PBX1: variants seen among roughly 807,000 people sequenced by gnomAD.
The protein encoded by PBX1 is pre-B-cell leukemia transcription factor 1.
Under a neutral mutation model 53.4 loss-of-function variants are expected in PBX1, and 6 were observed. The observed-to-expected ratio is 0.11, with a 90% CI of 0.06 to 0.22. The LOEUF (loss-of-function observed/expected upper bound fraction) is 0.22. Among genes scored for constraint, PBX1 ranks in the 10% least tolerant of loss-of-function variants. The pLI is 1.00. For synonymous variants in PBX1, 204 were observed against 212.3 expected, an observed-to-expected ratio of 0.96 and a Z score of 0.34; for missense variants, 251 against 551.4, an observed-to-expected ratio of 0.46 and a Z score of 5.46.
At chr1:164,755,274 C>T (rs1019553444) in intron 2 of PBX1, among the ~76,000 whole-genome samples, 2 of 152,062 alleles carry the variant, frequency 1.3e-5, no homozygotes, top group Admixed American at 6.5e-5. Flanking sequence ...CCTCTGCCTC[C>T]CAAGGAGTGG....
At chr1:164,561,005 A>G (rs957775327) in intron 1 of PBX1, among the ~76,000 whole-genome samples, 4 of 152,238 alleles carry the variant, frequency 2.6e-5, no homozygotes, top group African/African-American at 2.4e-5. Flanking sequence ...AGGATTTTAC[A>G]GTAAATTCTC....
At chr1:164,797,578 T>G (rs1209996071) in intron 3 of PBX1, among the ~76,000 whole-genome samples, 1 of 152,174 alleles carries the variant, frequency 6.6e-6, no homozygotes, top group African/African-American at 2.4e-5. Context: ...GACCCGATCT[T>G]CTATGGATTT....
intron 2 of PBX1, among the ~76,000 whole-genome samples, chr1:164,670,426 T>C (rs1297386167): frequency 6.6e-6 from 1 of 152,164 alleles, no homozygotes. Context: ...TTAAAAAATA[T>C]GTATGTCAGC....
intron 3 of PBX1, 70 bp from the exon 4 acceptor site, chr1:164,799,629 A>C: frequency 7.1e-7 from 1 of 1,413,874 alleles, no homozygotes; most frequent in Non-Finnish European, 9.7e-7. Flanking sequence ...CACGTGGCCT[A>C]ATGTCATAGA....
At chr1:164,663,308 T>G (rs1158672644) in intron 2 of PBX1, among the ~76,000 whole-genome samples, 3 of 151,710 alleles carry the variant, frequency 2.0e-5, no homozygotes, top group African/African-American at 4.8e-5. Context: ...CTTCCTGCCT[T>G]CCTCTCTCTC....
intron 2 of PBX1, among the ~76,000 whole-genome samples, chr1:164,752,243 T>TGTGTGC (rs933970238): frequency 6.8e-6 from 1 of 146,442 alleles, no homozygotes; most frequent in Non-Finnish European, 1.5e-5. Flanking sequence ...TGTGTGTGTG[T>TGTGTGC]GTGCCCTCAG....
chr1:164,590,059 A>G (rs1655254138), intron 2 of PBX1, among the ~76,000 whole-genome samples: 1 of 151,890 alleles, frequency 6.6e-6, no homozygotes, highest in African/African-American at 2.4e-5. Context: ...AGTAATAATA[A>G]TAAGACATCC....
At chr1:164,598,843 C>G (rs1655949705) in intron 2 of PBX1, among the ~76,000 whole-genome samples, 1 of 152,080 alleles carries the variant, frequency 6.6e-6, no homozygotes, top group Admixed American at 6.5e-5. Flanking sequence ...TAGATTTGAC[C>G]TTTAAAACTA....
At chr1:164,571,869 CATTGTATATATATATATATATATAT>C (rs1302920134) in intron 2 of PBX1, among the ~76,000 whole-genome samples, 1 of 48,856 alleles carries the variant, frequency 2.0e-5, no homozygotes, top group African/African-American at 8.1e-5. Context: ...AAAATCTGTA[CATTGTATATATATATATATATATAT>C]ATATATATAT....
intron 2 of PBX1, among the ~76,000 whole-genome samples, chr1:164,571,855 T>C (rs1653877437): frequency 8.1e-6 from 1 of 123,690 alleles, no homozygotes; most frequent in Non-Finnish European, 1.7e-5. Flanking sequence ...CTATTTGATA[T>C]ACAAAAATCT....
intron 8 of PBX1, among the ~76,000 whole-genome samples, chr1:164,842,569 G>A (rs1235119970): frequency 6.6e-6 from 1 of 152,100 alleles, no homozygotes; most frequent in Non-Finnish European, 1.5e-5. Context: ...CTCTTGGTGA[G>A]CTCCAGGTTG....
intron 2 of PBX1, among the ~76,000 whole-genome samples, chr1:164,763,897 T>C (rs1395778472): frequency 2.0e-5 from 3 of 152,328 alleles, no homozygotes; most frequent in African/African-American, 7.2e-5. Context: ...ATCTGTGTGC[T>C]CCAGGCTACT....
intron 2 of PBX1, among the ~76,000 whole-genome samples, chr1:164,869,038 C>T (rs1479342765): frequency 6.6e-6 from 1 of 152,196 alleles, no homozygotes. Context: ...TTTTCTGTCT[C>T]TGGCATGAAT....
At chr1:164,636,070 G>A (rs1658757443) in intron 2 of PBX1, among the ~76,000 whole-genome samples, 1 of 152,162 alleles carries the variant, frequency 6.6e-6, no homozygotes, top group Non-Finnish European at 1.5e-5. Flanking sequence ...CTGGGTAAAT[G>A]GGCCTTGACA....
At chr1:164,612,610 T>C (rs1657012409) in intron 2 of PBX1, among the ~76,000 whole-genome samples, 1 of 152,132 alleles carries the variant, frequency 6.6e-6, no homozygotes, top group African/African-American at 2.4e-5. Flanking sequence ...AGTCCCATTT[T>C]TGTATTTACA....
chr1:164,853,846 C>T (rs1247878481), downstream of PBX1, among the ~76,000 whole-genome samples: 1 of 152,108 alleles, frequency 6.6e-6, no homozygotes, highest in East Asian at 1.9e-4. Flanking sequence ...CATACGCTCA[C>T]CCCTTCTCCC....
At chr1:164,667,986 C>T (rs1449742666) in intron 2 of PBX1, among the ~76,000 whole-genome samples, 3 of 152,208 alleles carry the variant, frequency 2.0e-5, no homozygotes, top group African/African-American at 4.8e-5. Context: ...CCCACTTCTC[C>T]CTCCAGAGTG....
Position 164,848,648 on chromosome 1 carries a change from C to T in PBX1, c.*1972C>T, listed in dbSNP as rs1191228942. ...AAGAAAAACTTCCAAACTAGAAAAA[C>T]AGGCCCTGGTTCCCTTAGTTTGCAC... On this transcript the variant is annotated 3_prime_UTR_variant, in exon 9 of 9. Coordinates refer to ENST00000420696, the MANE Select transcript of PBX1 (RefSeq NM_002585.4). 3 of 1,056,018 alleles carry T rather than the reference C, an allele frequency of 2.8e-6. No individual in the cohort carries two copies. The highest frequency in any genetic ancestry group is 3.4e-6 in the Non-Finnish European group (3 of 873,658). The allele number at this position is 1,056,018 out of a possible 1,614,324, so 65.4% of individuals were successfully genotyped here.
intron 2 of PBX1, among the ~76,000 whole-genome samples, chr1:164,728,223 G>A (rs1418220094): frequency 6.6e-6 from 1 of 151,890 alleles, no homozygotes; most frequent in East Asian, 1.9e-4. Flanking sequence ...AGGCTGAGGT[G>A]GAAGGATTGC....
Sources: allele counts gnomAD v4.1 joint callset (sites outside exome capture counted in the v4.1 genomes callset), GRCh38; gene constraint gnomAD v4.1.1; transcripts MANE v1.5; gene names NCBI Gene and HGNC (gene_info 2026-07-23, HGNC 2026-07-21).